Variants in UFSP2 observed in about 807,000 individuals in gnomAD.
UFSP2 encodes the protein UFM1 specific peptidase 2, also known as ufm1-specific protease 2.
Under a neutral mutation model 60.2 loss-of-function variants are expected in UFSP2, and 43 were observed. The observed-to-expected ratio is 0.71, with a 90% CI of 0.56 to 0.92. UFSP2 has a LOEUF of 0.92. UFSP2 is among the 40% of genes least tolerant of loss of function. The pLI is 0.00. For missense variants in UFSP2, 520 were observed against 575.0 expected, an observed-to-expected ratio of 0.90 and a Z score of 0.98; for synonymous variants, 183 against 195.1, an observed-to-expected ratio of 0.94 and a Z score of 0.52.
rs1004292968 is a variant in UFSP2 at position 185,415,357 on chromosome 4, G to GA, written c.492-11dup. ...CAGGAGTTTACGAACTCTGTGGGGG[G>GA]AAATATATAAGTGTATTAACAAAAG... On this transcript the variant is annotated splice_polypyrimidine_tract_variant and intron_variant, in intron 5 of 11. Transcript: ENST00000264689. 8 of 1,559,382 alleles carry GA rather than the reference G, an allele frequency of 5.1e-6. No individual in the cohort carries two copies. The African/African-American group carries it at 1.1e-4, about 22-fold the overall frequency.
Position 185,408,520 on chromosome 4 carries a change from T to C in UFSP2, c.832-85A>G. The C allele has an allele frequency of 2.2e-6, 3 of 1,359,762 alleles. No individual in the cohort carries two copies. In the South Asian group the frequency reaches 4.0e-5, roughly 18 times the overall value. 84.2% of individuals were successfully genotyped at this position (1,359,762 alleles called of 1,614,324 possible). A position where few individuals can be genotyped will look rare whatever the true frequency, so the allele number is the denominator to read the frequency against. ...ATATGCTCCCGAATTATGTTTAATG[T>C]TCTTAGAGTTAGACTGTTACTTTAG... On this transcript the variant is annotated intron_variant, in intron 7 of 11. Coordinates refer to ENST00000264689, the MANE Select transcript of UFSP2 (RefSeq NM_018359.5).
At chr4:185,400,810 A>T (rs529762394) in intron 11 of UFSP2, among the ~76,000 whole-genome samples, 3 of 152,208 alleles carry the variant, frequency 2.0e-5, no homozygotes, top group African/African-American at 7.2e-5. Context: ...TTGAACTAGC[A>T]ATCTGTTTTT....
intron 9 of UFSP2, among the ~76,000 whole-genome samples, chr4:185,407,143 TG>T (rs1243322777): frequency 2.7e-5 from 4 of 149,226 alleles, no homozygotes; most frequent in Admixed American, 6.7e-5. Flanking sequence ...CTCCACCTCC[TG>T]GGTTCAAGCG....
At chr4:185,408,489 T>G (rs2095524115) in intron 7 of UFSP2, 54 bp from the exon 8 acceptor site, 4 of 1,540,198 alleles carry the variant, frequency 2.6e-6, no homozygotes, top group Non-Finnish European at 3.6e-6. Context: ...GAAGTACATA[T>G]TCTATATATG....
At position 185,417,702 on chromosome 4, in the gene UFSP2, G is replaced by GT. The variant is rs147933750; in HGVS notation, c.333+738dup. Reference sequence around the variant, plus strand: ...TCTCCATTTTCTATCTTCAATATCTGTTAAAGTTTGTGGCACATGGCAGGT... The same window carrying GT: ...TCTCCATTTTCTATCTTCAATATCTGTTTAAAGTTTGTGGCACATGGCAGGT... On this transcript the variant is annotated intron_variant, in intron 4 of 11. Transcript: ENST00000264689. Among the ~76,000 whole-genome samples, 8 of 152,202 alleles carry GT rather than the reference G, an allele frequency of 5.3e-5. No individual in the cohort carries two copies. In the East Asian group the frequency reaches 1.2e-3, roughly 22 times the overall value.
chr4:185,418,791 T>C (rs1561120135), intron 2 of UFSP2, 21 bp from the exon 3 acceptor site: 1 of 1,558,564 alleles, frequency 6.4e-7, no homozygotes, highest in Admixed American at 2.0e-5. Flanking sequence ...AGAATATAAA[T>C]AGAAGTTAAG....
At chr4:185,403,277 G>A (rs2095515470) in intron 11 of UFSP2, among the ~76,000 whole-genome samples, 1 of 152,216 alleles carries the variant, frequency 6.6e-6, no homozygotes, top group Admixed American at 6.5e-5. Flanking sequence ...TTTAATAGCT[G>A]AGAAAGTTTC....
Sources: gnomAD v4.1 joint callset for allele counts (sites outside exome capture counted in the v4.1 genomes callset) on GRCh38, gnomAD v4.1.1 for gene constraint, MANE v1.5 for transcripts, NCBI Gene and HGNC (gene_info 2026-07-23, HGNC 2026-07-21) for gene names.